IL12RB2: variants seen among roughly 807,000 people sequenced by gnomAD.
IL12RB2 encodes the protein interleukin-12 receptor subunit beta-2.
IL12RB2 carries 82 observed loss-of-function variants against 89.4 expected under a neutral mutation model. The ratio of observed to expected loss-of-function variants is 0.92; its 90% CI spans 0.77 to 1.10. IL12RB2 has a LOEUF of 1.10. Among genes scored for constraint, IL12RB2 ranks in the 50% least tolerant of loss-of-function variants. The probability of loss-of-function intolerance (pLI) is 0.00; values close to 1 mark genes in which losing one functional copy is unlikely to be tolerated. For synonymous variants in IL12RB2, 368 were observed against 370.1 expected, an observed-to-expected ratio of 0.99 and a Z score of 0.07; for missense variants, 963 against 1,031.9, an observed-to-expected ratio of 0.93 and a Z score of 0.92.
intron 1 of IL12RB2, among the ~76,000 whole-genome samples, chr1:67,308,980 A>G (rs10789231): frequency 0.44 from 67,371 of 151,696 alleles, 16,367 homozygotes; most frequent in African/African-American, 0.64. Flanking sequence ...AGATGGGGCC[A>G]CTGCACTCCA....
intron 8 of IL12RB2, among the ~76,000 whole-genome samples, chr1:67,334,693 A>G (rs1425726695): frequency 6.6e-6 from 1 of 152,134 alleles, no homozygotes; most frequent in Non-Finnish European, 1.5e-5. Context: ...GTTAGCCAGG[A>G]TGGTCTCGAT....
chr1:67,355,609 G>T (rs904254478), intron 10 of IL12RB2, among the ~76,000 whole-genome samples: 1 of 152,038 alleles, frequency 6.6e-6, no homozygotes, highest in African/African-American at 2.4e-5. Context: ...AGGAGGTGAA[G>T]TAACTGAGCC....
At position 67,351,011 on chromosome 1, in the gene IL12RB2, G is replaced by C. The variant is rs746989285; in HGVS notation, c.1180G>C (p.Ala394Pro). Residue 394 changes from alanine to proline, a missense_variant, in exon 10 of 17, where the codon GCT (alanine) becomes CCT (proline). By Grantham distance (27) the Ala-to-Pro change is conservative (BLOSUM62 -1). Coordinates refer to ENST00000674203, the MANE Select transcript of IL12RB2 (RefSeq NM_001374259.2). Reference sequence around the variant, plus strand: ...AGTCATTCCTAGAACCGGAAATTGGGCTGTGGCTGTGTCTGCAGCAAATTC... The same window carrying C: ...AGTCATTCCTAGAACCGGAAATTGGCCTGTGGCTGTGTCTGCAGCAAATTC... ...TTVIPRTGNWAVAVSAANSKG... is the reference protein window; with the variant it reads ...TTVIPRTGNWPVAVSAANSKG... 6.2e-7 allele frequency: 1 copy of C among 1,613,924 alleles called. No individual in the cohort carries two copies. Among genetic ancestry groups the C allele is most frequent in the African/African-American group, 1.3e-5 (1 of 74,916 alleles).
chr1:67,325,662 G>C (rs1211594945), intron 4 of IL12RB2, among the ~76,000 whole-genome samples: 3 of 152,222 alleles, frequency 2.0e-5, no homozygotes, highest in Non-Finnish European at 4.4e-5. Context: ...GCTCTGACTT[G>C]TCCAAGGTCA....
chr1:67,310,799 A>ACTGCAACCTCTGCCTCCCGGGTT (rs1553305659), intron 1 of IL12RB2, among the ~76,000 whole-genome samples: 2 of 152,132 alleles, frequency 1.3e-5, no homozygotes, highest in African/African-American at 2.4e-5. Context: ...ATCTTGGCTC[A>ACTGCAACCTCTGCCTCCCGGGTT]CTGCAACCTC....
chr1:67,326,159 G>A (rs969488133), intron 4 of IL12RB2, among the ~76,000 whole-genome samples: 12 of 152,332 alleles, frequency 7.9e-5, no homozygotes, highest in African/African-American at 2.9e-4. Flanking sequence ...CTGGGTGTAA[G>A]TGTCTTGACA....
At chr1:67,330,316 A>T (rs1485487231) in intron 7 of IL12RB2, among the ~76,000 whole-genome samples, 1 of 151,848 alleles carries the variant, frequency 6.6e-6, no homozygotes, top group Non-Finnish European at 1.5e-5. Flanking sequence ...TAAAACATTC[A>T]TCACATCCTA....
chr1:67,391,166 A>G (rs1013602384), intron 16 of IL12RB2, among the ~76,000 whole-genome samples: 2 of 152,284 alleles, frequency 1.3e-5, no homozygotes, highest in East Asian at 1.9e-4. Context: ...TTCAGCCTCA[A>G]TAAAACAGGA....
rs2100372807 is a variant in IL12RB2 at position 67,397,413 on chromosome 1, C to T, written c.*1324C>T. Among the ~76,000 whole-genome samples the T allele has an allele frequency of 6.6e-6, 1 of 152,214 alleles. No homozygotes were observed. Among genetic ancestry groups the T allele is most frequent in the Non-Finnish European group, 1.5e-5 (1 of 68,012 alleles). On this transcript the variant is annotated 3_prime_UTR_variant, in exon 17 of 17. Transcript: ENST00000674203. ...CCAGGGCTGTCTCAGGGTCTAAGACCCCAACCTCTGAGGTTGTCCTCAGAA... is the reference window on the plus strand; with the variant it reads ...CCAGGGCTGTCTCAGGGTCTAAGACTCCAACCTCTGAGGTTGTCCTCAGAA...
chr1:67,371,950 G>A (rs971612415), intron 11 of IL12RB2, among the ~76,000 whole-genome samples: 6 of 152,184 alleles, frequency 3.9e-5, no homozygotes, highest in African/African-American at 1.4e-4. Flanking sequence ...CAGGTTCTAT[G>A]CCTGCAAAAT....
chr1:67,321,303 C>A lies in IL12RB2; in HGVS notation c.77-299C>A, dbSNP rs189069857. ...TAAGAGAGGCTGGTTTTTCCCGGAA[C>A]TGTGTTCCTGAATGTTCTTCCAATC... On this transcript the variant is annotated intron_variant, in intron 3 of 16. Transcript: ENST00000674203. Among the ~76,000 whole-genome samples the A allele has an allele frequency of 1.2e-3, 184 of 152,192 alleles. No individual in the cohort carries two copies. The South Asian group carries it at 0.027, about 22-fold the overall frequency.
intron 8 of IL12RB2, 89 bp from the exon 9 acceptor site, chr1:67,338,535 T>C (rs1035778549): frequency 9.2e-6 from 7 of 760,012 alleles, no homozygotes; most frequent in African/African-American, 8.6e-5. Flanking sequence ...CCTCTAATTC[T>C]ACTCTTCCAG....
intron 4 of IL12RB2, among the ~76,000 whole-genome samples, chr1:67,324,307 C>T (rs1656990680): frequency 6.6e-6 from 1 of 152,240 alleles, no homozygotes; most frequent in Middle Eastern, 3.2e-3. Flanking sequence ...ACTTCAACCT[C>T]TGCCTCCTGG....
At position 67,329,682 on chromosome 1, in the gene IL12RB2, C is replaced by T. The variant is rs1435856321; in HGVS notation, c.760C>T (p.Leu254Phe). 6.3e-7 allele frequency: 1 copy of T among 1,599,964 alleles called. No homozygotes were observed. Among genetic ancestry groups the T allele is most frequent in the South Asian group, 1.1e-5 (1 of 90,774 alleles). The change falls in exon 7 of 17, where the codon CTT becomes TTT. Residue 254 changes from leucine to phenylalanine, a missense_variant. Transcript: ENST00000674203. ...TTGGAGAGATGAGGGACTGGTACTGCTTAATCGACTCAGATATCGGCCCAG... is the reference window on the plus strand; with the variant it reads ...TTGGAGAGATGAGGGACTGGTACTGTTTAATCGACTCAGATATCGGCCCAG... Reference protein sequence around the residue: ...LYWRDEGLVLLNRLRYRPSNS... With the variant: ...LYWRDEGLVLFNRLRYRPSNS...
chr1:67,381,348 G>A lies in IL12RB2; in HGVS notation c.1855+1225G>A, dbSNP rs552868386. On this transcript the variant is annotated intron_variant, in intron 14 of 16. Coordinates refer to ENST00000674203, the MANE Select transcript of IL12RB2 (RefSeq NM_001374259.2). ...ATCTGCTCTAAGCATAAAACAAGCTGTTCTTGCTTTGTGACATGAAGCATC... is the reference window on the plus strand; with the variant it reads ...ATCTGCTCTAAGCATAAAACAAGCTATTCTTGCTTTGTGACATGAAGCATC... 2.6e-5 allele frequency among the ~76,000 whole-genome samples: 4 copies of A among 152,314 alleles called. No homozygotes were observed. The South Asian group carries it at 8.3e-4, about 32-fold the overall frequency.
chr1:67,364,075 C>T (rs1288091824), intron 10 of IL12RB2, among the ~76,000 whole-genome samples: 1 of 152,154 alleles, frequency 6.6e-6, no homozygotes, highest in East Asian at 1.9e-4. Context: ...CTATAGTTGT[C>T]TATAAGAAAT....
chr1:67,389,967 C>G (rs1176633577), intron 15 of IL12RB2, 62 bp from the exon 16 acceptor site: 7 of 848,956 alleles, frequency 8.2e-6, no homozygotes, highest in African/African-American at 1.6e-5. Context: ...GCACTGAGAA[C>G]CTGTGCTTCC....
At position 67,320,446 on chromosome 1, in the gene IL12RB2, T is replaced by C. The variant is rs757519323; in HGVS notation, c.76+2T>C. The C allele has an allele frequency of 1.2e-6, 2 of 1,613,772 alleles. No homozygotes were observed. Among genetic ancestry groups the C allele is most frequent in the East Asian group, 2.2e-5 (1 of 44,808 alleles). ...GGCTGTTGATTAAAGCAAAAATAGG[T>C]AAGATATTTCTGTAAGTTACTCTGT... On this transcript the variant is annotated splice_donor_variant, in intron 3 of 16. Transcript: ENST00000674203. LOFTEE classifies it high-confidence loss of function.
rs150497140 is a variant in IL12RB2 at position 67,374,632 on chromosome 1, T to G, written c.1717+1849T>G. Among the ~76,000 whole-genome samples the G allele has an allele frequency of 3.4e-3, 518 of 152,134 alleles. 4 individuals are homozygous for G. The highest frequency in any genetic ancestry group is 0.011 in the African/African-American group (457 of 41,528). ...CTGGGATTACAGACATGTACCACCA[T>G]GCCCTGCTAATTTTTGTATTTTTAG... On this transcript the variant is annotated intron_variant, in intron 13 of 16. Coordinates refer to ENST00000674203, the MANE Select transcript of IL12RB2 (RefSeq NM_001374259.2).
Sources: gnomAD v4.1 joint callset for allele counts (sites outside exome capture counted in the v4.1 genomes callset) on GRCh38, gnomAD v4.1.1 for gene constraint, MANE v1.5 for transcripts, NCBI Gene and HGNC (gene_info 2026-07-23, HGNC 2026-07-21) for gene names.